ALG9: variants seen among roughly 807,000 people sequenced by gnomAD.
ALG9 encodes alpha-1,2-mannosyltransferase ALG9.
Under a neutral mutation model 81.8 loss-of-function variants are expected in ALG9, and 55 were observed. That is an observed-to-expected ratio of 0.67 (90% CI 0.54 to 0.84). ALG9 has a LOEUF of 0.84. ALG9 is among the 40% of genes least tolerant of loss of function. ALG9 has a pLI of 0.00. For missense variants in ALG9, 629 were observed against 745.0 expected, an observed-to-expected ratio of 0.84 and a Z score of 1.81; for synonymous variants, 278 against 274.3, an observed-to-expected ratio of 1.01 and a Z score of -0.13.
chr11:111,849,580 A>G (rs1180412587), intron 8 of ALG9: 2 of 152,218 alleles, frequency 1.3e-5, no homozygotes, highest in African/African-American at 2.4e-5. Flanking sequence ...CCCATCACCT[A>G]GATATTAAGC....
intron 14 of ALG9, among the ~76,000 whole-genome samples, chr11:111,807,871 G>T (rs1950157409): frequency 6.6e-6 from 1 of 152,188 alleles, no homozygotes; most frequent in African/African-American, 2.4e-5. Flanking sequence ...GATAGCTTGA[G>T]CTTACGAGTT....
intron 8 of ALG9, among the ~76,000 whole-genome samples, chr11:111,852,126 C>A (rs1268234915): frequency 6.6e-6 from 1 of 152,152 alleles, no homozygotes; most frequent in African/African-American, 2.4e-5. Flanking sequence ...ATGGACATGG[C>A]TAGTGACAAG....
At chr11:111,818,188 G>A (rs1951806252) in intron 13 of ALG9, among the ~76,000 whole-genome samples, 1 of 152,196 alleles carries the variant, frequency 6.6e-6, no homozygotes, top group Admixed American at 6.5e-5. Context: ...GATAACTTGT[G>A]TCTTACACCT....
chr11:111,871,577 AAG>A lies in ALG9; in HGVS notation c.-97_-96del, dbSNP rs1964298453. 1.0e-5 allele frequency: 16 copies of A among 1,531,272 alleles called. No homozygotes were observed. The highest frequency in any genetic ancestry group is 1.4e-5 in the Non-Finnish European group (16 of 1,144,270). 94.9% of individuals were successfully genotyped at this position (1,531,272 alleles called of 1,614,324 possible). ...GCAAACGGTGTCCGCCGAGGGACAA[AAG>A]ACCTTGACATGCGCAGAAAATACTA... On this transcript the variant is annotated 5_prime_UTR_variant, in exon 1 of 15. Coordinates refer to ENST00000616540, the MANE Select transcript of ALG9 (RefSeq NM_024740.2).
chr11:111,789,811 C>T (rs1481648294), intron 14 of ALG9, among the ~76,000 whole-genome samples: 1 of 149,562 alleles, frequency 6.7e-6, no homozygotes, highest in East Asian at 2.0e-4. Context: ...CAGAGGGAGA[C>T]TCTGTCTCAA....
the ALG9 span, chr11:111,771,413 A>G: frequency 6.6e-6 from 1 of 152,290 alleles, no homozygotes; most frequent in Non-Finnish European, 1.5e-5. Flanking sequence ...GAAAAGCATC[A>G]GTCATGAGGA....
chr11:111,826,390 T>TA (rs1953295330), intron 13 of ALG9, among the ~76,000 whole-genome samples: 1 of 77,776 alleles, frequency 1.3e-5, no homozygotes, highest in Non-Finnish European at 2.6e-5. Context: ...TATCCAGAGT[T>TA]TAAAAAAAAA....
chr11:111,780,760 C>A (rs1945888030), downstream of ALG9, among the ~76,000 whole-genome samples: 1 of 152,132 alleles, frequency 6.6e-6, no homozygotes, highest in African/African-American at 2.4e-5. Flanking sequence ...GTACATTAGT[C>A]CCAGGTCTCT....
At chr11:111,830,290 G>T (rs1954122108) in intron 13 of ALG9, among the ~76,000 whole-genome samples, 1 of 152,136 alleles carries the variant, frequency 6.6e-6, no homozygotes, top group South Asian at 2.1e-4. Flanking sequence ...TCCTCTTTTA[G>T]ATATGCTCCA....
chr11:111,768,656 G>T, the ALG9 span: 1 of 147,310 alleles, frequency 6.8e-6, no homozygotes, highest in East Asian at 1.9e-4. Flanking sequence ...TTATTGTGTT[G>T]TGTGTGTGTG....
downstream of ALG9, among the ~76,000 whole-genome samples, chr11:111,777,517 T>G (rs956499563): frequency 6.6e-6 from 1 of 152,178 alleles, no homozygotes; most frequent in Non-Finnish European, 1.5e-5. Flanking sequence ...CAGACAAGGT[T>G]GCCTTAAGCT....
intron 14 of ALG9, among the ~76,000 whole-genome samples, chr11:111,809,404 C>T (rs1555088690): frequency 6.6e-6 from 1 of 152,016 alleles, no homozygotes; most frequent in Admixed American, 6.6e-5. Flanking sequence ...GTGGTGTGCG[C>T]CTGTAATCCC....
At chr11:111,851,909 C>G (rs1555138935) in intron 8 of ALG9, among the ~76,000 whole-genome samples, 1 of 152,146 alleles carries the variant, frequency 6.6e-6, no homozygotes, top group East Asian at 1.9e-4. Context: ...TTTTAAAGTT[C>G]TTTCACTTAG....
intron 13 of ALG9, among the ~76,000 whole-genome samples, chr11:111,821,366 G>A (rs782584068): frequency 3.9e-5 from 6 of 152,064 alleles, no homozygotes; most frequent in Non-Finnish European, 7.4e-5. Context: ...CCAAAAGCCA[G>A]AGCCCCTTGG....
chr11:111,865,972 A>G (rs1962273398), intron 3 of ALG9, among the ~76,000 whole-genome samples: 1 of 152,176 alleles, frequency 6.6e-6, no homozygotes, highest in South Asian at 2.1e-4. Flanking sequence ...AGAGCACTGA[A>G]TTTCTCAGAA....
chr11:111,864,271 C>A, intron 4 of ALG9: 5 of 1,134,882 alleles, frequency 4.4e-6, no homozygotes, highest in South Asian at 1.3e-5. Flanking sequence ...GCTCCTCCAG[C>A]GTTGCCGCTA....
At chr11:111,815,312 G>A (rs1174972545) in intron 13 of ALG9, among the ~76,000 whole-genome samples, 1 of 152,092 alleles carries the variant, frequency 6.6e-6, no homozygotes, top group Non-Finnish European at 1.5e-5. Context: ...GTCTGAGGCG[G>A]GAGGATCGCT....
At chr11:111,776,615 A>G in the ALG9 span, among the ~76,000 whole-genome samples, 1 of 151,998 alleles carries the variant, frequency 6.6e-6, no homozygotes, top group Non-Finnish European at 1.5e-5. Context: ...CAAAACAAAA[A>G]CCAAACCAAC....
At chr11:111,865,362 C>A (rs2137222646) in intron 3 of ALG9, 111 bp from the exon 4 acceptor site, 6 of 834,828 alleles carry the variant, frequency 7.2e-6, no homozygotes, top group South Asian at 1.7e-5. Flanking sequence ...TGGTATAATT[C>A]TTTTGAAAAG....
Sources: allele counts gnomAD v4.1 joint callset (sites outside exome capture counted in the v4.1 genomes callset), GRCh38; gene constraint gnomAD v4.1.1; transcripts MANE v1.5; gene names NCBI Gene and HGNC (gene_info 2026-07-23, HGNC 2026-07-21).